A2ML1: variants seen among roughly 807,000 people sequenced by gnomAD.
The protein encoded by A2ML1 is alpha-2-macroglobulin like 1, also known as alpha-2-macroglobulin-like protein 1.
A neutral mutation model predicts 181.9 loss-of-function variants in A2ML1; 161 were observed. The ratio of observed to expected loss-of-function variants is 0.89; its 90% confidence interval spans 0.78 to 1.01. The LOEUF is 1.01. A2ML1 is among the 50% of genes least tolerant of loss of function. The pLI, the probability that A2ML1 is intolerant of heterozygous loss-of-function variation, is 0.00. For synonymous variants in A2ML1, 663 were observed against 666.8 expected (o/e 0.99, Z 0.09); for missense variants, 1,670 against 1,768.1 (o/e 0.94, Z 1.00).
At chr12:8,824,153 T>C (rs1239672102) in intron 3 of A2ML1, among the ~76,000 whole-genome samples, 1 of 150,872 alleles carries the variant, frequency 6.6e-6, no homozygotes, top group East Asian at 1.9e-4. Flanking sequence ...ACTGGGTTGC[T>C]GGGCCTTACA....
intron 3 of A2ML1, among the ~76,000 whole-genome samples, chr12:8,829,049 C>G (rs4883181): frequency 0.75 from 113,766 of 152,110 alleles, 44,197 homozygotes; most frequent in East Asian, 0.99. Context: ...ATCAGCAATT[C>G]AAGTGTGTCT....
chr12:8,845,766 C>A (rs550763549), intron 13 of A2ML1, among the ~76,000 whole-genome samples: 1 of 151,342 alleles, frequency 6.6e-6, no homozygotes, highest in Non-Finnish European at 1.5e-5. Context: ...AGGAGAATGG[C>A]GTGAACCCGG....
chr12:8,844,692 T>C (rs1344524195), intron 12 of A2ML1, among the ~76,000 whole-genome samples: 1 of 151,130 alleles, frequency 6.6e-6, no homozygotes, highest in Non-Finnish European at 1.5e-5. Flanking sequence ...TTCAGTGTTG[T>C]CGTTAAGTGA....
chr12:8,886,467 A>G lies in A2ML1; in HGVS notation c.*95-40A>G, dbSNP rs1231794717. On this transcript the variant is annotated intron_variant and NMD_transcript_variant, in intron 7 of 7. Transcript: ENST00000537475. ...TTGTATTTGGACCTTGAATCCAGCA[A>G]CCTTGCTAAATTTGCTTATTGTCTT... 2.0e-5 allele frequency: 3 copies of G among 152,180 alleles called. No individual in the cohort carries two copies. The East Asian group carries it at 5.8e-4, about 29-fold the overall frequency. 9.4% of individuals were successfully genotyped at this position (152,180 alleles called of 1,614,324 possible).
chr12:8,847,821 A>G, intron 15 of A2ML1, 123 bp downstream of exon 15: 2 of 1,296,466 alleles, frequency 1.5e-6, no homozygotes, highest in Admixed American at 5.5e-5. Context: ...AGGCGGTAAA[A>G]AGGCTGGTGT....
rs1943273596 is a variant in A2ML1 at position 8,836,300 on chromosome 12, C to T, written c.689C>T (p.Ser230Leu). 6.2e-7 allele frequency: 1 copy of T among 1,613,930 alleles called. No homozygotes were observed. Among genetic ancestry groups the T allele is most frequent in the East Asian group, 2.2e-5 (1 of 44,882 alleles). The change falls in exon 7 of 36, where the codon TCA becomes TTA. Residue 230 changes from serine to leucine, a missense_variant. By Grantham distance (145) the Ser-to-Leu change is moderately radical (BLOSUM62 -2). Transcript: ENST00000299698. ...GAAGTGGTGGAACCCAAGGAGTTAT[C>T]AACGGTGCAGGAATCTTTCTTAGTA... The part of the protein sequence containing the change: ...KVEVVEPKEL[S>L]TVQESFLVKI...
intron 1 of A2ML1, 21 bp downstream of exon 1, chr12:8,822,734 T>C (rs1942782617): frequency 1.2e-6 from 2 of 1,613,396 alleles, no homozygotes; most frequent in Non-Finnish European, 1.7e-6. Context: ...GGTGTCAGAA[T>C]TGGTTTATTA....
At position 8,864,096 on chromosome 12, in the gene A2ML1, C is replaced by T. The variant is rs140837240; in HGVS notation, c.3717+88C>T. 2.4e-5 allele frequency: 30 copies of T among 1,245,924 alleles called. 2 individuals are homozygous for T. The South Asian group carries it at 2.5e-4, about 10-fold the overall frequency. 77.2% of individuals were successfully genotyped at this position (1,245,924 alleles called of 1,614,324 possible). On this transcript the variant is annotated intron_variant, in intron 29 of 35. Transcript: ENST00000299698. The stretch of plus-strand genomic sequence containing the variant: ...GGAAAACATATTGTCCTTGCCTTCT[C>T]GGTCCAGGGGCTTAGAGAGAGGAAA...
chr12:8,868,253 C>G lies in A2ML1; in HGVS notation c.3957C>G (p.Leu1319=). ...AGACGGTGTTGAGATACAATATTCT[C>G]CCTCCCACAAATATGAAGACCTTTA... ...YVQTVLRYNI[L]PPTNMKTFSL... The change falls in exon 31 of 36, where the codon CTC becomes CTG. Residue 1319 remains leucine, a synonymous_variant. Coordinates refer to ENST00000299698, the MANE Select transcript of A2ML1 (RefSeq NM_144670.6). 1 of 1,613,848 alleles carries G rather than the reference C, an allele frequency of 6.2e-7. No homozygotes were observed. Among genetic ancestry groups the G allele is most frequent in the Non-Finnish European group, 8.5e-7 (1 of 1,179,974 alleles).
chr12:8,858,299 A>C, intron 26 of A2ML1, 197 bp downstream of exon 26: 1 of 595,476 alleles, frequency 1.7e-6, no homozygotes, highest in Non-Finnish European at 2.7e-6. Context: ...AATACAGATG[A>C]AGCCTGGGTG....
rs7315591 is a variant in A2ML1, at chr12:8,874,437, A to T, written c.4234A>T (p.Thr1412Ser). 3 of 1,613,802 alleles carry T rather than the reference A, an allele frequency of 1.9e-6. No individual in the cohort carries two copies. Among genetic ancestry groups the T allele is most frequent in the Non-Finnish European group, 2.5e-6 (3 of 1,179,876 alleles). Residue 1412 changes from threonine (T) to serine (S), a missense_variant, in exon 34 of 36, where the codon ACT becomes TCT. Thr to Ser is a moderately conservative substitution (Grantham distance 58). Transcript: ENST00000299698. ...NIYLDELIKN[T>S]QTYTFTISQS... ...GTCTTCCCCACAGCTCATTAAGAAC[A>T]CTCAGACTTACACCTTCACCATCAG...
chr12:8,841,025 A>AGGAC (rs1431024480), intron 10 of A2ML1, among the ~76,000 whole-genome samples: 1 of 126,236 alleles, frequency 7.9e-6, no homozygotes, highest in Non-Finnish European at 1.8e-5. Context: ...GAAGGAAGGA[A>AGGAC]GGAAGGAAGG....
chr12:8,853,667 C>T (rs1592138447), intron 20 of A2ML1, among the ~76,000 whole-genome samples: 2 of 152,120 alleles, frequency 1.3e-5, no homozygotes, highest in South Asian at 4.1e-4. Context: ...TGGCTAGGGG[C>T]CTCACTCAGT....
chr12:8,871,828 C>CCACA (rs148395607), intron 33 of A2ML1, among the ~76,000 whole-genome samples: 2 of 150,978 alleles, frequency 1.3e-5, no homozygotes, highest in Non-Finnish European at 3.0e-5. Flanking sequence ...TCCCCCACCG[C>CCACA]CACACACACA....
At chr12:8,857,773 C>T in intron 25 of A2ML1, 173 bp from the exon 26 acceptor site, 1 of 1,112,456 alleles carries the variant, frequency 9.0e-7, no homozygotes, top group Non-Finnish European at 1.3e-6. Context: ...GCTTGTGCCT[C>T]CCCTGTTCTT....
intron 29 of A2ML1, among the ~76,000 whole-genome samples, chr12:8,867,237 A>C (rs1164003447): frequency 1.3e-5 from 2 of 152,240 alleles, no homozygotes; most frequent in Non-Finnish European, 2.9e-5. Context: ...ACAATTATCC[A>C]CTTGCTTCTA....
rs187839068 is a variant in A2ML1, at chr12:8,842,642, T to C, written c.1249-492T>C. On this transcript the variant is annotated intron_variant, in intron 11 of 35. Transcript: ENST00000299698. ...GAGGGGGCGGGGTGCGTGTGAGGAATTGGAGCCATTAATGAGATCGTTCAA... is the reference window on the plus strand; with the variant it reads ...GAGGGGGCGGGGTGCGTGTGAGGAACTGGAGCCATTAATGAGATCGTTCAA... 1.1e-4 allele frequency among the ~76,000 whole-genome samples: 16 copies of C among 152,256 alleles called. 1 individual carries two copies. The highest frequency in any genetic ancestry group is 3.6e-4 in the African/African-American group (15 of 41,540).
intron 2 of A2ML1, 65 bp from the exon 3 acceptor site, chr12:8,823,655 T>G: frequency 6.4e-7 from 1 of 1,551,152 alleles, no homozygotes; most frequent in Non-Finnish European, 8.7e-7. Flanking sequence ...ACTGTTGGGT[T>G]GAGACCAGTT....
At position 8,823,243 on chromosome 12, in the gene A2ML1, G is replaced by A; in HGVS notation, c.124G>A (p.Asp42Asn). The change falls in exon 2 of 36, where the codon GAC becomes AAC. Residue 42 changes from aspartate (D) to asparagine (N), a missense_variant. Asp to Asn is a conservative substitution (Grantham distance 23, BLOSUM62 1). Transcript: ENST00000299698. ...CCCCTCCGTTCAGAAGGTTTGTTTG[G>A]ACCTGAGCCCTGGGTACAGTGATGT... ...NFPSVQKVCLDLSPGYSDVKF... is the reference protein window; with the variant it reads ...NFPSVQKVCLNLSPGYSDVKF... 2 of 1,614,098 alleles carry A rather than the reference G, an allele frequency of 1.2e-6. No homozygotes were observed. The highest frequency in any genetic ancestry group is 1.7e-6 in the Non-Finnish European group (2 of 1,180,012).
Sources: gnomAD v4.1 joint callset for allele counts (sites outside exome capture counted in the v4.1 genomes callset) on GRCh38, gnomAD v4.1.1 for gene constraint, MANE v1.5 for transcripts, NCBI Gene and HGNC (gene_info 2026-07-23, HGNC 2026-07-21) for gene names.